PTPRD: variants seen among roughly 807,000 people sequenced by gnomAD.
The protein encoded by PTPRD is protein tyrosine phosphatase receptor type D.
A neutral mutation model predicts 214.5 loss-of-function variants in PTPRD; 34 were observed. The ratio of observed to expected loss-of-function variants is 0.16; its 90% CI spans 0.12 to 0.21. PTPRD has a LOEUF of 0.21. PTPRD is among the 10% of genes least tolerant of loss of function. The probability of loss-of-function intolerance (pLI) is 1.00; values close to 1 mark genes in which losing one functional copy is unlikely to be tolerated. For synonymous variants in PTPRD, 1,128 were observed against 845.7 expected (o/e 1.33, Z -5.79); for missense variants, 2,545 against 2,398.7 (o/e 1.06, Z -1.27).
At chr9:9,996,092 A>G (rs2096112661) in intron 4 of PTPRD, among the ~76,000 whole-genome samples, 1 of 150,558 alleles carries the variant, frequency 6.6e-6, no homozygotes. Context: ...GAAATTCATG[A>G]CACATGTATT....
chr9:10,305,027 A>C (rs896368196), intron 3 of PTPRD, among the ~76,000 whole-genome samples: 2 of 152,144 alleles, frequency 1.3e-5, no homozygotes, highest in Non-Finnish European at 2.9e-5. Flanking sequence ...GGCTACATCA[A>C]AACAGCATGG....
chr9:8,782,684 A>C (rs780918494), intron 11 of PTPRD, among the ~76,000 whole-genome samples: 2 of 142,092 alleles, frequency 1.4e-5, no homozygotes, highest in Admixed American at 7.6e-5. Flanking sequence ...TGCAACCTCC[A>C]CCTCCCGAGT....
At chr9:9,889,780 T>C (rs2072525058) in intron 5 of PTPRD, among the ~76,000 whole-genome samples, 1 of 151,444 alleles carries the variant, frequency 6.6e-6, no homozygotes, top group Non-Finnish European at 1.5e-5. Flanking sequence ...CTCAGCAAGT[T>C]CCTGCTGAGT....
At chr9:10,405,697 C>A (rs182501169) in intron 2 of PTPRD, among the ~76,000 whole-genome samples, 1 of 151,564 alleles carries the variant, frequency 6.6e-6, no homozygotes, top group Non-Finnish European at 1.5e-5. Context: ...CAAATAAATA[C>A]AGTTAAATGG....
At chr9:9,690,385 C>G (rs575301422) in intron 7 of PTPRD, among the ~76,000 whole-genome samples, 1 of 152,000 alleles carries the variant, frequency 6.6e-6, no homozygotes, top group East Asian at 1.9e-4. Flanking sequence ...ATTATTAGTT[C>G]CTTGTCAGAT....
chr9:8,419,870 G>T (rs2094231726), intron 35 of PTPRD, among the ~76,000 whole-genome samples: 2 of 151,830 alleles, frequency 1.3e-5, no homozygotes, highest in Non-Finnish European at 2.9e-5. Flanking sequence ...CCTACAGCGG[G>T]TCCAAAAATC....
chr9:9,018,896 A>C (rs1039568154), intron 10 of PTPRD, among the ~76,000 whole-genome samples, 161 bp from the exon 11 acceptor site: 3 of 152,190 alleles, frequency 2.0e-5, no homozygotes, highest in Admixed American at 6.5e-5. Context: ...TTTCACACTT[A>C]TTGTTGTAAA....
At chr9:10,189,056 G>A (rs568619486) in intron 3 of PTPRD, among the ~76,000 whole-genome samples, 4 of 151,640 alleles carry the variant, frequency 2.6e-5, no homozygotes, top group Admixed American at 6.6e-5. Context: ...AAGTGTCTTC[G>A]CCAACTCTCT....
chr9:10,281,746 C>G (rs751806840), intron 3 of PTPRD, among the ~76,000 whole-genome samples: 6 of 152,014 alleles, frequency 3.9e-5, no homozygotes, highest in Non-Finnish European at 7.4e-5. Flanking sequence ...AAAACTCATC[C>G]TCATTAAATT....
chr9:10,258,982 CTGTTGT>C (rs758988371), intron 3 of PTPRD, among the ~76,000 whole-genome samples: 1 of 151,932 alleles, frequency 6.6e-6, no homozygotes, highest in Non-Finnish European at 1.5e-5. Context: ...GTATCTGTTT[CTGTTGT>C]TGTTGTTGTT....
chr9:10,403,174 G>C (rs2098299631), intron 2 of PTPRD, among the ~76,000 whole-genome samples: 1 of 134,122 alleles, frequency 7.5e-6, no homozygotes. Flanking sequence ...TTGGCCTTAA[G>C]CACTTTGTTT....
chr9:9,054,071 T>C (rs975637614), intron 10 of PTPRD, among the ~76,000 whole-genome samples: 5 of 152,170 alleles, frequency 3.3e-5, no homozygotes, highest in Admixed American at 2.0e-4. Context: ...TCCCATATCA[T>C]GTATTGAGCT....
chr9:10,489,496 C>G (rs1219809791), intron 2 of PTPRD, among the ~76,000 whole-genome samples: 2 of 152,142 alleles, frequency 1.3e-5, no homozygotes, highest in Admixed American at 1.3e-4. Context: ...TGTACACTGT[C>G]TCTGTGCCCA....
chr9:8,812,160 T>C (rs2096822086), intron 11 of PTPRD, among the ~76,000 whole-genome samples: 1 of 152,134 alleles, frequency 6.6e-6, no homozygotes, highest in Non-Finnish European at 1.5e-5. Flanking sequence ...AATGGCAAGA[T>C]CCCCAACAGA....
At chr9:8,591,151 G>A (rs183574172) in intron 14 of PTPRD, among the ~76,000 whole-genome samples, 14 of 152,184 alleles carry the variant, frequency 9.2e-5, no homozygotes, top group African/African-American at 3.4e-4. Flanking sequence ...AGGCTCACCT[G>A]GATAACCCAG....
At chr9:9,820,686 C>T (rs988364979) in intron 5 of PTPRD, among the ~76,000 whole-genome samples, 5 of 152,108 alleles carry the variant, frequency 3.3e-5, no homozygotes, top group African/African-American at 4.8e-5. Flanking sequence ...AGTCCAGTTT[C>T]ATTCTTCTAC....
At chr9:9,669,665 T>C (rs1267160168) in intron 7 of PTPRD, among the ~76,000 whole-genome samples, 2 of 152,196 alleles carry the variant, frequency 1.3e-5, no homozygotes, top group Admixed American at 6.5e-5. Flanking sequence ...AATGAATACA[T>C]TTATGAGTCA....
At chr9:9,755,629 G>C (rs559994589) in intron 6 of PTPRD, among the ~76,000 whole-genome samples, 1 of 152,170 alleles carries the variant, frequency 6.6e-6, no homozygotes, top group African/African-American at 2.4e-5. Flanking sequence ...ACTGTTACTT[G>C]ATACAGCTTG....
rs73414484 is a variant in PTPRD, at chr9:8,378,361, T to C, written c.4387-1635A>G. On this transcript the variant is annotated intron_variant, in intron 37 of 45. Transcript: ENST00000381196. Reference sequence around the variant, plus strand: ...GCTAAAACCCAGGTCACAGATGACATATTTAGCAAAAGCTACCATCTGAAT... The same window carrying C: ...GCTAAAACCCAGGTCACAGATGACACATTTAGCAAAAGCTACCATCTGAAT... Among the ~76,000 whole-genome samples, 201 of 152,102 alleles carry C rather than the reference T, an allele frequency of 1.3e-3. 2 individuals carry two copies. The highest frequency in any genetic ancestry group is 4.7e-3 in the African/African-American group (197 of 41,516).
Sources: allele counts gnomAD v4.1 joint callset (sites outside exome capture counted in the v4.1 genomes callset), GRCh38; gene constraint gnomAD v4.1.1; transcripts MANE v1.5; gene names NCBI Gene and HGNC (gene_info 2026-07-23, HGNC 2026-07-21).